The following UHRF2 variants were observed in gnomAD, a reference collection of about 807,000 sequenced individuals.
UHRF2 encodes ubiquitin like with PHD and ring finger domains 2.
A neutral mutation model predicts 96.8 loss-of-function variants in UHRF2; 23 were observed. The observed-to-expected ratio is 0.24, with a 90% CI of 0.17 to 0.34. The LOEUF (loss-of-function observed/expected upper bound fraction) is 0.34, where lower values mean the gene tolerates loss of function less well. Among genes scored for constraint, UHRF2 ranks in the 10% least tolerant of loss-of-function variants. The probability of loss-of-function intolerance (pLI) is 1.00; values close to 1 mark genes in which losing one functional copy is unlikely to be tolerated. For missense variants in UHRF2, 685 were observed against 981.5 expected, an observed-to-expected ratio of 0.70 and a Z score of 4.04; for synonymous variants, 385 against 332.6, an observed-to-expected ratio of 1.16 and a Z score of -1.72.
chr9:6,466,539 CAAAAAAAAAAGGAAAAAAAAAAA>C (rs1822868484), intron 4 of UHRF2, among the ~76,000 whole-genome samples: 1 of 38,598 alleles, frequency 2.6e-5, no homozygotes, highest in Admixed American at 2.8e-4. Context: ...GACTCTATCT[CAAAAAAAAAAGGAAAAAAAAAAA>C]AAAAAAAAAA....
At chr9:6,443,169 C>G (rs1821281740) in intron 3 of UHRF2, among the ~76,000 whole-genome samples, 1 of 152,194 alleles carries the variant, frequency 6.6e-6, no homozygotes, top group African/African-American at 2.4e-5. Flanking sequence ...TTTGGCTAGG[C>G]AAGTTGCAGT....
At chr9:6,423,582 A>G (rs1490276435) in intron 2 of UHRF2, among the ~76,000 whole-genome samples, 5 of 152,108 alleles carry the variant, frequency 3.3e-5, no homozygotes, top group Non-Finnish European at 5.9e-5. Context: ...CAAAGAAAAC[A>G]TATTAATTTA....
At chr9:6,417,894 C>T (rs967249357) in intron 1 of UHRF2, among the ~76,000 whole-genome samples, 8 of 152,242 alleles carry the variant, frequency 5.3e-5, no homozygotes, top group East Asian at 1.9e-4. Context: ...GTAGAAATAC[C>T]CTCAACGTCA....
intron 4 of UHRF2, among the ~76,000 whole-genome samples, chr9:6,471,460 T>A (rs1823235165): frequency 6.6e-6 from 1 of 152,108 alleles, no homozygotes; most frequent in African/African-American, 2.4e-5. Flanking sequence ...ACCAATAGAA[T>A]ATGGTGTAAG....
At chr9:6,447,837 A>G (rs1812418359) in intron 3 of UHRF2, among the ~76,000 whole-genome samples, 2 of 152,222 alleles carry the variant, frequency 1.3e-5, no homozygotes, top group Non-Finnish European at 2.9e-5. Flanking sequence ...GCCAACAAAC[A>G]AAGCAAGCAA....
chr9:6,422,644 C>G (rs747211232), intron 2 of UHRF2: 3 of 651,058 alleles, frequency 4.6e-6, no homozygotes, highest in Non-Finnish European at 8.6e-6. Context: ...GGGTCTGGCT[C>G]TGTCACCCAG....
At chr9:6,448,478 GTC>G (rs1158704149) in intron 3 of UHRF2, among the ~76,000 whole-genome samples, 31 of 151,840 alleles carry the variant, frequency 2.0e-4, no homozygotes, top group African/African-American at 7.0e-4. Flanking sequence ...TTTGAAAAAC[GTC>G]TCTGTTTTTA....
chr9:6,456,141 C>CT (rs1472133916), intron 3 of UHRF2, among the ~76,000 whole-genome samples: 1 of 152,180 alleles, frequency 6.6e-6, no homozygotes, highest in South Asian at 2.1e-4. Context: ...AATTTCTTGG[C>CT]TTTTTTCTTT....
intron 9 of UHRF2, among the ~76,000 whole-genome samples, chr9:6,493,269 G>C (rs554768943): frequency 6.6e-6 from 1 of 152,220 alleles, no homozygotes; most frequent in East Asian, 1.9e-4. Flanking sequence ...CCGCACTCCA[G>C]CCTGGGTGAC....
At chr9:6,442,418 A>G (rs1285035356) in intron 3 of UHRF2, among the ~76,000 whole-genome samples, 4 of 152,294 alleles carry the variant, frequency 2.6e-5, no homozygotes, top group Admixed American at 6.5e-5. Context: ...TAAATTTTCA[A>G]TCAGTTCAAA....
chr9:6,415,500 C>A (rs1819547805), intron 1 of UHRF2: 1 of 152,140 alleles, frequency 6.6e-6, no homozygotes, highest in Admixed American at 6.5e-5. Flanking sequence ...TCTGGAGCTC[C>A]ACAGATGAGG....
intron 9 of UHRF2, among the ~76,000 whole-genome samples, chr9:6,491,634 G>T (rs1824665659): frequency 6.6e-6 from 1 of 152,230 alleles, no homozygotes; most frequent in Non-Finnish European, 1.5e-5. Context: ...TGATCTTGAT[G>T]ATGGCAAGAA....
At chr9:6,466,684 C>A (rs755314009) in intron 4 of UHRF2, among the ~76,000 whole-genome samples, 2 of 151,482 alleles carry the variant, frequency 1.3e-5, no homozygotes, top group East Asian at 1.9e-4. Context: ...TTGAACATGG[C>A]TTCTTACAGA....
chr9:6,428,935 C>T (rs554616330), intron 2 of UHRF2, among the ~76,000 whole-genome samples: 2 of 152,160 alleles, frequency 1.3e-5, no homozygotes, highest in South Asian at 2.1e-4. Context: ...AGGTGGAGGA[C>T]AAGTGGATCA....
chr9:6,436,272 T>C (rs748034941), intron 3 of UHRF2, among the ~76,000 whole-genome samples: 3 of 152,206 alleles, frequency 2.0e-5, no homozygotes, highest in Admixed American at 6.5e-5. Context: ...CTGGTACTTA[T>C]TGTGGTTGTG....
chr9:6,429,226 G>A (rs1338045957), intron 2 of UHRF2, among the ~76,000 whole-genome samples: 1 of 151,898 alleles, frequency 6.6e-6, no homozygotes, highest in African/African-American at 2.4e-5. Context: ...TGGAGAACCT[G>A]TATTCTCAGC....
In UHRF2 at chr9:6,487,060, A is replaced by G. The variant is rs150143611; in HGVS notation, c.1497+135A>G. 84 of 730,830 alleles carry G rather than the reference A, an allele frequency of 1.1e-4. No homozygotes were observed. In the East Asian group the frequency reaches 2.1e-3, roughly 18 times the overall value. 45.3% of individuals were successfully genotyped at this position (730,830 alleles called of 1,614,324 possible). ...TTGTTGAAGTAATCAGTTTTATACA[A>G]GTTAGAAAGTAAATCATTTGACAGT... On this transcript the variant is annotated intron_variant, in intron 9 of 15. Transcript: ENST00000276893.
chr9:6,451,031 ACTT>A (rs1277420444), intron 3 of UHRF2, among the ~76,000 whole-genome samples: 3 of 152,204 alleles, frequency 2.0e-5, no homozygotes, highest in Non-Finnish European at 4.4e-5. Flanking sequence ...AAGGGTTACA[ACTT>A]AACCTCTGTG....
rs190283533 is a variant in UHRF2 at position 6,435,073 on chromosome 9, A to T, written c.644+900A>T. On this transcript the variant is annotated intron_variant, in intron 3 of 15. Coordinates refer to ENST00000276893, the MANE Select transcript of UHRF2 (RefSeq NM_152896.3). ...CTCAGGCTGGGAGTACAGTGATGCA[A>T]CCTCCACCTCCCCAGGTTCAAGCTA... Among the ~76,000 whole-genome samples the T allele has an allele frequency of 3.9e-3, 583 of 150,740 alleles. 27 individuals are homozygous for T. The highest frequency in any genetic ancestry group is 0.035 in the Admixed American group (533 of 15,128).
Sources: gnomAD v4.1 joint callset for allele counts (sites outside exome capture counted in the v4.1 genomes callset) on GRCh38, gnomAD v4.1.1 for gene constraint, MANE v1.5 for transcripts, NCBI Gene and HGNC (gene_info 2026-07-23, HGNC 2026-07-21) for gene names.